RIPOR2: variants seen among roughly 807,000 people sequenced by gnomAD.
RIPOR2 encodes RHO family interacting cell polarization regulator 2.
Under a neutral mutation model 114.5 loss-of-function variants are expected in RIPOR2, and 39 were observed. That is an observed-to-expected ratio of 0.34 (90% CI 0.26 to 0.44). The LOEUF (loss-of-function observed/expected upper bound fraction) is 0.44, where lower values mean the gene tolerates loss of function less well. Among genes scored for constraint, RIPOR2 ranks in the 20% least tolerant of loss-of-function variants. The probability of loss-of-function intolerance (pLI) is 1.00; values close to 1 mark genes in which losing one functional copy is unlikely to be tolerated. For synonymous variants in RIPOR2, 445 were observed against 484.4 expected, an observed-to-expected ratio of 0.92 and a Z score of 1.07; for missense variants, 1,007 against 1,255.1, an observed-to-expected ratio of 0.80 and a Z score of 2.99.
rs553018631 is a variant in RIPOR2 at position 24,840,435 on chromosome 6, G to T, written c.1858-1163C>A. On this transcript the variant is annotated intron_variant, in intron 13 of 21. Transcript: ENST00000643898. The stretch of plus-strand genomic sequence containing the variant: ...CATTCTATAATGCTGGCCACATGCA[G>T]AAACATTACAAGCAAAACAATGCCA... 3.1e-5 allele frequency: 39 copies of T among 1,276,894 alleles called. No individual in the cohort carries two copies. In the South Asian group the frequency reaches 4.9e-4, roughly 16 times the overall value. 79.1% of individuals were successfully genotyped at this position (1,276,894 alleles called of 1,614,324 possible). A position where few individuals can be genotyped will look rare whatever the true frequency, so the allele number is the denominator to read the frequency against.
chr6:24,941,403 G>A lies in RIPOR2; in HGVS notation c.77-65586C>T, dbSNP rs79238272. On this transcript the variant is annotated intron_variant, in intron 1 of 13. Transcript: ENST00000510784. ...AAAAAAAAAAGCATATAAAGGCACT[G>A]GTTCTGGGATTTGACAGGGCTGAGT... Among the ~76,000 whole-genome samples the A allele has an allele frequency of 3.6e-3, 546 of 152,074 alleles. 4 individuals are homozygous for A. Among genetic ancestry groups the A allele is most frequent in the African/African-American group, 0.012 (512 of 41,480 alleles).
At chr6:25,000,867 T>C (rs550852884) in intron 1 of RIPOR2, among the ~76,000 whole-genome samples, 2 of 152,252 alleles carry the variant, frequency 1.3e-5, no homozygotes, top group Admixed American at 1.3e-4. Flanking sequence ...AAATGCTTTC[T>C]CCAGAGATGG....
At chr6:24,837,154 G>A (rs567151101) in intron 14 of RIPOR2, among the ~76,000 whole-genome samples, 13 of 152,132 alleles carry the variant, frequency 8.5e-5, no homozygotes, top group African/African-American at 2.4e-4. Context: ...ACGGAGTCTC[G>A]CACTGCCACC....
At chr6:25,001,189 A>G (rs1233522058) in intron 1 of RIPOR2, among the ~76,000 whole-genome samples, 1 of 152,244 alleles carries the variant, frequency 6.6e-6, no homozygotes, top group Non-Finnish European at 1.5e-5. Flanking sequence ...TATACCATAC[A>G]TAGGTATATA....
At chr6:24,818,981 A>G (rs546708591) in intron 19 of RIPOR2, among the ~76,000 whole-genome samples, 16 of 152,008 alleles carry the variant, frequency 1.1e-4, no homozygotes, top group Non-Finnish European at 1.2e-4. Flanking sequence ...CCAGATCATT[A>G]ACTTTTTCTT....
chr6:24,832,385 C>T lies in RIPOR2; in HGVS notation c.2215G>A (p.Val739Ile), dbSNP rs1760759156. 1 of 1,552,014 alleles carries T rather than the reference C, an allele frequency of 6.4e-7. No homozygotes were observed. The highest frequency in any genetic ancestry group is 2.4e-5 in the East Asian group (1 of 40,912). The change falls in exon 16 of 22, where the codon GTT (valine) becomes ATT (isoleucine). Residue 739 changes from valine to isoleucine, a missense_variant. Val to Ile is a conservative substitution (Grantham distance 29). Transcript: ENST00000643898. ...QYCTQLVQQI[V>I]FSSKTPFVAR... ...ACAAATGGGGTTTTGCTTGAGAAAACAATTTGCTGGTAAAACAAACAAAAC... is the reference window on the plus strand; with the variant it reads ...ACAAATGGGGTTTTGCTTGAGAAAATAATTTGCTGGTAAAACAAACAAAAC...
rs1285539589 is a variant in RIPOR2, at chr6:24,974,647, C to T, written c.76+67204G>A. Reference sequence around the variant, plus strand: ...CCATAGCACTCAGCAATTCCATTCCCAGTTATATACCCAAGAGAAATGAAG... The same window carrying T: ...CCATAGCACTCAGCAATTCCATTCCTAGTTATATACCCAAGAGAAATGAAG... On this transcript the variant is annotated intron_variant, in intron 1 of 13. Transcript: ENST00000510784. Among the ~76,000 whole-genome samples the T allele has an allele frequency of 2.6e-5, 4 of 152,238 alleles. No homozygotes were observed. The South Asian group carries it at 8.3e-4, about 32-fold the overall frequency.
intron 20 of RIPOR2, among the ~76,000 whole-genome samples, chr6:24,811,230 T>TTC (rs1781132224): frequency 8.4e-5 from 1 of 11,946 alleles, no homozygotes; most frequent in African/African-American, 1.1e-4. Context: ...CTCTCATTCT[T>TTC]TTTTTTTTTT....
Position 24,805,879 on chromosome 6 carries a change from CAAAGG to C in RIPOR2, c.*489_*493del, listed in dbSNP as rs1469672481. 1 of 155,616 alleles carries C rather than the reference CAAAGG, an allele frequency of 6.4e-6. No individual in the cohort carries two copies. Among genetic ancestry groups the C allele is most frequent in the Non-Finnish European group, 1.4e-5 (1 of 70,602 alleles). The allele number at this position is 155,616 out of a possible 1,614,324, so 9.6% of individuals were successfully genotyped here. ...TACCATAGCCCTATTCTATATTGGC[CAAAGG>C]AAAAGTAGATAGGTACTGTGAAACG... is the stretch of plus-strand genomic sequence containing the variant. On this transcript the variant is annotated 3_prime_UTR_variant, in exon 22 of 22. Coordinates refer to ENST00000643898, the MANE Select transcript of RIPOR2 (RefSeq NM_001286445.3).
At chr6:24,871,899 C>T (rs1432685049) in intron 4 of RIPOR2, among the ~76,000 whole-genome samples, 1 of 152,192 alleles carries the variant, frequency 6.6e-6, no homozygotes, top group Non-Finnish European at 1.5e-5. Flanking sequence ...AAAGCCCTGA[C>T]ACAGGGGTTC....
chr6:24,916,694 C>T lies in RIPOR2; in HGVS notation c.61+19144G>A, dbSNP rs968336088. Among the ~76,000 whole-genome samples, 7 of 152,330 alleles carry T rather than the reference C, an allele frequency of 4.6e-5. No individual in the cohort carries two copies. The South Asian group carries it at 6.2e-4, about 14-fold the overall frequency. ...GAGAAAGACCCTGTTATCCTTTGCC[C>T]GTGTCTGGCACCCATGATAAGGTTC... On this transcript the variant is annotated intron_variant, in intron 1 of 21. Transcript: ENST00000643898.
At position 24,825,564 on chromosome 6, in the gene RIPOR2, A is replaced by T. The variant is rs548693028; in HGVS notation, c.2666-136T>A. 1.2e-5 allele frequency: 8 copies of T among 646,254 alleles called. No individual in the cohort carries two copies. The East Asian group carries it at 2.2e-4, about 18-fold the overall frequency. 40.0% of individuals were successfully genotyped at this position (646,254 alleles called of 1,614,324 possible). On this transcript the variant is annotated intron_variant, in intron 18 of 21. Coordinates refer to ENST00000643898, the MANE Select transcript of RIPOR2 (RefSeq NM_001286445.3). ...AATACATATGAAAAATTAGCATCTG[A>T]TAAAGATGGTATTTCAGATTGGTGA...
intron 1 of RIPOR2, among the ~76,000 whole-genome samples, chr6:24,892,582 T>C (rs1767471407): frequency 6.6e-6 from 1 of 152,218 alleles, no homozygotes; most frequent in African/African-American, 2.4e-5. Flanking sequence ...TTTCATTCAT[T>C]TTCTTGTGTC....
rs144539580 is a variant in RIPOR2 at position 24,827,814 on chromosome 6, T to C, written c.2665+323A>G. Among the ~76,000 whole-genome samples, 530 of 152,340 alleles carry C rather than the reference T, an allele frequency of 3.5e-3. 4 individuals are homozygous for C. The highest frequency in any genetic ancestry group is 0.01 in the Middle Eastern group (3 of 294). On this transcript the variant is annotated intron_variant, in intron 18 of 21. Coordinates refer to ENST00000643898, the MANE Select transcript of RIPOR2 (RefSeq NM_001286445.3). ...CCTCACCAAAAAGGGCAATATAAAA[T>C]AGTATTGCCTGTAGGATTGATCCGA...
At chr6:24,866,517 AATT>A (rs1191913128) in intron 6 of RIPOR2, among the ~76,000 whole-genome samples, 2 of 102,264 alleles carry the variant, frequency 2.0e-5, no homozygotes, top group African/African-American at 3.5e-5. Context: ...TAGGGTTGAA[AATT>A]TTTTTTTTTT....
At chr6:24,963,177 G>A (rs898243931) in intron 1 of RIPOR2, among the ~76,000 whole-genome samples, 6 of 152,004 alleles carry the variant, frequency 3.9e-5, no homozygotes, top group Non-Finnish European at 5.9e-5. Context: ...GGTTTCAGGC[G>A]CCCACCACCA....
At chr6:24,927,257 C>T (rs1248662994) in intron 1 of RIPOR2, among the ~76,000 whole-genome samples, 3 of 148,020 alleles carry the variant, frequency 2.0e-5, no homozygotes, top group Admixed American at 6.8e-5. Flanking sequence ...ACCACCACCA[C>T]CACCACCACA....
intron 1 of RIPOR2, among the ~76,000 whole-genome samples, chr6:25,009,680 G>A (rs1344118370): frequency 6.6e-6 from 1 of 152,194 alleles, no homozygotes. Context: ...TTAAATGGTG[G>A]TCAAGTTTCA....
chr6:24,840,713 C>G, intron 13 of RIPOR2: 1 of 1,535,356 alleles, frequency 6.5e-7, no homozygotes, highest in Non-Finnish European at 8.7e-7. Flanking sequence ...CTCATTCACC[C>G]TCAGTGATCT....
Sources: gnomAD v4.1 joint callset for allele counts (sites outside exome capture counted in the v4.1 genomes callset) on GRCh38, gnomAD v4.1.1 for gene constraint, MANE v1.5 for transcripts, NCBI Gene and HGNC (gene_info 2026-07-23, HGNC 2026-07-21) for gene names.